Variants in COL14A1 observed in about 807,000 individuals in gnomAD.
COL14A1 encodes the protein collagen type XIV alpha 1 chain.
Under a neutral mutation model 230.3 loss-of-function variants are expected in COL14A1, and 136 were observed. The observed-to-expected ratio is 0.59, with a 90% CI of 0.51 to 0.68. The LOEUF is 0.68. Ranked by LOEUF, COL14A1 falls within the 30% of genes least tolerant of loss-of-function variation. The pLI, the probability that COL14A1 is intolerant of heterozygous loss-of-function variation, is 0.00. For synonymous variants in COL14A1, 792 were observed against 784.1 expected, an observed-to-expected ratio of 1.01 and a Z score of -0.17; for missense variants, 1,976 against 2,215.8, an observed-to-expected ratio of 0.89 and a Z score of 2.17.
intron 39 of COL14A1, 109 bp downstream of exon 39, chr8:120,315,695 A>G (rs1044419350): frequency 6.2e-6 from 6 of 961,596 alleles, no homozygotes; most frequent in Non-Finnish European, 9.6e-6. Context: ...AGTGTTTTCC[A>G]TATTAAAGAC....
At chr8:120,319,906 A>G (rs1317452602) in intron 40 of COL14A1, among the ~76,000 whole-genome samples, 1 of 152,224 alleles carries the variant, frequency 6.6e-6, no homozygotes, top group Non-Finnish European at 1.5e-5. Flanking sequence ...ATTCCAGGTC[A>G]TTCCAACAGA....
At chr8:120,260,006 T>C (rs893296477) in intron 23 of COL14A1, among the ~76,000 whole-genome samples, 2 of 152,176 alleles carry the variant, frequency 1.3e-5, no homozygotes, top group African/African-American at 4.8e-5. Context: ...TCACATAATA[T>C]ATAATCTCAC....
Position 120,147,817 on chromosome 8 carries a change from A to ACCCC in COL14A1, c.-25_-22dup. The ACCCC allele has an allele frequency of 6.3e-7, 1 of 1,582,888 alleles. No homozygotes were observed. Among genetic ancestry groups the ACCCC allele is most frequent in the Non-Finnish European group, 8.7e-7 (1 of 1,154,564 alleles). On this transcript the variant is annotated 5_prime_UTR_variant, in exon 2 of 48. Coordinates refer to ENST00000297848, the MANE Select transcript of COL14A1 (RefSeq NM_021110.4). ...CTCTCTGTTTCTAGGTGGCTGCTACACCCCATGTAAAAAGCGGAAAATAAA... is the reference window on the plus strand; with the variant it reads ...CTCTCTGTTTCTAGGTGGCTGCTACACCCCCCCCATGTAAAAAGCGGAAAATAAA...
At chr8:120,158,934 G>A (rs1815568942) in intron 3 of COL14A1, among the ~76,000 whole-genome samples, 1 of 152,106 alleles carries the variant, frequency 6.6e-6, no homozygotes, top group Admixed American at 6.5e-5. Flanking sequence ...AATTGCCTCT[G>A]CTACATGGTT....
rs755699078 is a variant in COL14A1 at position 120,332,136 on chromosome 8, G to T, written c.4660-5G>T. The T allele has an allele frequency of 1.9e-6, 3 of 1,613,874 alleles. No homozygotes were observed. Among genetic ancestry groups the T allele is most frequent in the East Asian group, 2.2e-5 (1 of 44,872 alleles). The stretch of plus-strand genomic sequence containing the variant: ...TTGCTGACATGCTGTGTTTCTTTTC[G>T]CCAGGGCCTTCCGGGAAAGGATGGA... On this transcript the variant is annotated splice_region_variant and splice_polypyrimidine_tract_variant and intron_variant, in intron 40 of 47. Coordinates refer to ENST00000297848, the MANE Select transcript of COL14A1 (RefSeq NM_021110.4).
chr8:120,357,842 A>G (rs934113581), intron 45 of COL14A1, among the ~76,000 whole-genome samples: 7 of 152,198 alleles, frequency 4.6e-5, no homozygotes, highest in African/African-American at 1.7e-4. Context: ...AGGGAAACGC[A>G]AGATGCAGCT....
In COL14A1 at chr8:120,179,795, A is replaced by G. The variant is rs2130633517; in HGVS notation, c.436+11548A>G. 2.0e-5 allele frequency among the ~76,000 whole-genome samples: 3 copies of G among 152,336 alleles called. No individual in the cohort carries two copies. In the Middle Eastern group the frequency reaches 0.01, roughly 518 times the overall value. On this transcript the variant is annotated intron_variant, in intron 5 of 47. Coordinates refer to ENST00000297848, the MANE Select transcript of COL14A1 (RefSeq NM_021110.4). ...GAAGGCATCACGCTACCTGACTTCA[A>G]ACTATACTACAAGTCTACATTAACC...
At position 120,254,037 on chromosome 8, in the gene COL14A1, T is replaced by C. The variant is rs189320352; in HGVS notation, c.2753-1203T>C. Among the ~76,000 whole-genome samples the C allele has an allele frequency of 3.9e-5, 6 of 152,356 alleles. No homozygotes were observed. The East Asian group carries it at 9.6e-4, about 24-fold the overall frequency. ...TAGGAAAAAAGTCTTCTTTCTTTGC[T>C]GTAACAGAAAGGAACAGTGTAAATG... On this transcript the variant is annotated intron_variant, in intron 22 of 47. Transcript: ENST00000297848.
chr8:120,322,557 C>T (rs191679961), intron 40 of COL14A1, among the ~76,000 whole-genome samples: 2 of 152,234 alleles, frequency 1.3e-5, no homozygotes, highest in Admixed American at 1.3e-4. Flanking sequence ...ATCCTTCACC[C>T]ACTGATAGGC....
chr8:120,347,966 C>T (rs1286976167), intron 45 of COL14A1, among the ~76,000 whole-genome samples: 4 of 152,008 alleles, frequency 2.6e-5, no homozygotes, highest in African/African-American at 9.7e-5. Context: ...AAATGAGGCT[C>T]ACTTTCTGCT....
At chr8:120,300,884 T>G in intron 36 of COL14A1, 66 bp downstream of exon 36, 1 of 1,252,424 alleles carries the variant, frequency 8.0e-7, no homozygotes, top group Non-Finnish European at 1.2e-6. Context: ...CTTGTGTGTC[T>G]AATATGTGTT....
intron 23 of COL14A1, among the ~76,000 whole-genome samples, chr8:120,261,984 GTGGCAGCT>G: frequency 1.3e-5 from 2 of 152,290 alleles, no homozygotes; most frequent in African/African-American, 4.8e-5. Context: ...GCCTGCTGTT[GTGGCAGCT>G]TTGAAGACAA....
At chr8:120,208,443 TCA>T (rs1817516863) in intron 11 of COL14A1, 82 bp downstream of exon 11, 1 of 1,449,514 alleles carries the variant, frequency 6.9e-7, no homozygotes, top group South Asian at 1.3e-5. Context: ...TCTGCTCAGG[TCA>T]TGTTGATAGA....
rs1818048259 is a variant in COL14A1 at position 120,224,937 on chromosome 8, A to C, written c.1738-151A>C. 5.0e-6 allele frequency: 3 copies of C among 605,174 alleles called. No individual in the cohort carries two copies. The South Asian group carries it at 7.8e-5, about 16-fold the overall frequency. The allele number at this position is 605,174 out of a possible 1,614,324, so 37.5% of individuals were successfully genotyped here. A position where few individuals can be genotyped will look rare whatever the true frequency, so the allele number is the denominator to read the frequency against. On this transcript the variant is annotated intron_variant, in intron 14 of 47. Transcript: ENST00000297848. Reference sequence around the variant, plus strand: ...GTAATCTAAGGGTGTAAGATCAGAAATGTTCATACATAAACTGGTTTTATA... The same window carrying C: ...GTAATCTAAGGGTGTAAGATCAGAACTGTTCATACATAAACTGGTTTTATA...
chr8:120,331,611 C>T (rs975957941), intron 40 of COL14A1, among the ~76,000 whole-genome samples: 1 of 152,192 alleles, frequency 6.6e-6, no homozygotes, highest in African/African-American at 2.4e-5. Flanking sequence ...CATTTGTAAG[C>T]CCACGATGAC....
chr8:120,176,318 G>A (rs118004796), intron 5 of COL14A1, among the ~76,000 whole-genome samples: 2,347 of 152,182 alleles, frequency 0.015, 152 homozygotes, highest in Admixed American at 0.11. Flanking sequence ...AATCTAGCAG[G>A]GCTCAACACA....
intron 1 of COL14A1, among the ~76,000 whole-genome samples, chr8:120,134,511 C>A (rs1455044233): frequency 6.6e-6 from 1 of 151,160 alleles, no homozygotes; most frequent in African/African-American, 2.4e-5. Flanking sequence ...TGTAAGAATA[C>A]TAAAAGAAAA....
In COL14A1 at chr8:120,199,465, T is replaced by C. The variant is rs1179906277; in HGVS notation, c.776T>C (p.Val259Ala). 6.2e-7 allele frequency: 1 copy of C among 1,612,486 alleles called. No homozygotes were observed. Among genetic ancestry groups the C allele is most frequent in the Admixed American group, 1.7e-5 (1 of 59,710 alleles). ...CCAGAAGCAGGATCAAGGACTGGAGTATCCAAAATTGGCATTTTAATCACA... is the reference window on the plus strand; with the variant it reads ...CCAGAAGCAGGATCAAGGACTGGAGCATCCAAAATTGGCATTTTAATCACA... ...FKPEAGSRTG[V>A]SKIGILITDG... Residue 259 changes from valine to alanine, a missense_variant, in exon 8 of 48, where the codon GTA becomes GCA. Coordinates refer to ENST00000297848, the MANE Select transcript of COL14A1 (RefSeq NM_021110.4).
intron 37 of COL14A1, 25 bp downstream of exon 37, chr8:120,310,087 C>T: frequency 1.9e-6 from 3 of 1,610,998 alleles, no homozygotes; most frequent in Non-Finnish European, 2.5e-6. Context: ...TTCTCTCTCT[C>T]TCTGTCTCAT....
Sources: allele counts gnomAD v4.1 joint callset (sites outside exome capture counted in the v4.1 genomes callset), GRCh38; gene constraint gnomAD v4.1.1; transcripts MANE v1.5; gene names NCBI Gene and HGNC (gene_info 2026-07-23, HGNC 2026-07-21).